FAR2: variants seen among roughly 807,000 people sequenced by gnomAD.
The protein encoded by FAR2 is epididymis secretory protein Li 81.
Under a neutral mutation model 56.0 loss-of-function variants are expected in FAR2, and 19 were observed. The observed-to-expected ratio is 0.34, with a 90% CI of 0.24 to 0.50. FAR2 has a LOEUF of 0.50. Ranked by LOEUF, FAR2 falls within the 20% of genes least tolerant of loss-of-function variation. The pLI, the probability that FAR2 is intolerant of heterozygous loss-of-function variation, is 0.98. For missense variants in FAR2, 508 were observed against 642.2 expected (o/e 0.79, Z 2.26); for synonymous variants, 219 against 218.8 (o/e 1.00, Z -0.01).
At chr12:29,306,443 A>G (rs1250768970) in intron 4 of FAR2, among the ~76,000 whole-genome samples, 6 of 152,216 alleles carry the variant, frequency 3.9e-5, no homozygotes, top group Non-Finnish European at 7.3e-5. Flanking sequence ...TGCACATCTT[A>G]GCTGCTCAAA....
intron 1 of FAR2, among the ~76,000 whole-genome samples, chr12:29,193,237 TGG>T (rs1482822789): frequency 2.6e-5 from 4 of 152,188 alleles, no homozygotes; most frequent in African/African-American, 9.7e-5. Context: ...TGAACCTGTA[TGG>T]ACACATCATT....
At chr12:29,212,198 C>T (rs954073442) in intron 1 of FAR2, among the ~76,000 whole-genome samples, 3 of 152,116 alleles carry the variant, frequency 2.0e-5, no homozygotes, top group Non-Finnish European at 4.4e-5. Flanking sequence ...CCTGAGACAA[C>T]TTAAAGCAAA....
In FAR2 at chr12:29,152,529, A is replaced by C. The variant is rs567890472; in HGVS notation, c.-39+3122A>C. Among the ~76,000 whole-genome samples the C allele has an allele frequency of 1.0e-3, 154 of 152,324 alleles. 1 individual carries two copies. Among genetic ancestry groups the C allele is most frequent in the African/African-American group, 3.6e-3 (151 of 41,578 alleles). ...TACACTCAGAACCACTGAGGAATAA[A>C]ATAGTGTGAAAGGGAATTGATCAAA... On this transcript the variant is annotated intron_variant, in intron 1 of 11. Coordinates refer to ENST00000536681, the MANE Select transcript of FAR2 (RefSeq NM_001271783.2).
rs1244779789 is a variant in FAR2, at chr12:29,316,782, A to G, written c.956-59A>G. ...TTTTGACCCATTACAAATGCTTTCC[A>G]CTATGATGGACTTATATTCTCCTTT... is the stretch of plus-strand genomic sequence containing the variant. On this transcript the variant is annotated intron_variant, in intron 8 of 11. Transcript: ENST00000536681. The G allele has an allele frequency of 1.4e-5, 22 of 1,536,988 alleles. No individual in the cohort carries two copies. The South Asian group carries it at 2.1e-4, about 15-fold the overall frequency.
intron 1 of FAR2, among the ~76,000 whole-genome samples, chr12:29,199,952 G>T (rs1042520415): frequency 2.6e-5 from 4 of 152,152 alleles, no homozygotes; most frequent in Non-Finnish European, 5.9e-5. Context: ...GAATAGAGTA[G>T]TAGAAAACCC....
At chr12:29,210,424 C>T (rs527291170) in intron 1 of FAR2, among the ~76,000 whole-genome samples, 1 of 152,178 alleles carries the variant, frequency 6.6e-6, no homozygotes, top group Non-Finnish European at 1.5e-5. Flanking sequence ...CCACCTCACA[C>T]CAGAGGTGCA....
intron 1 of FAR2, among the ~76,000 whole-genome samples, chr12:29,210,296 A>T (rs182373240): frequency 3.7e-4 from 56 of 152,222 alleles, no homozygotes; most frequent in African/African-American, 1.2e-3. Flanking sequence ...TAGACAGTTT[A>T]TCAGTGTTTA....
intron 1 of FAR2, among the ~76,000 whole-genome samples, chr12:29,219,633 A>G (rs1272252198): frequency 6.6e-6 from 1 of 152,208 alleles, no homozygotes; most frequent in Admixed American, 6.5e-5. Flanking sequence ...GACAAGAAAA[A>G]AAAAAGAGAA....
chr12:29,156,880 T>C (rs1310667631), intron 1 of FAR2: 1 of 151,808 alleles, frequency 6.6e-6, no homozygotes, highest in Non-Finnish European at 1.5e-5. Flanking sequence ...AATAAGACCT[T>C]CGAGACCTGG....
chr12:29,187,747 A>G (rs1222487905), intron 1 of FAR2, among the ~76,000 whole-genome samples: 2 of 152,212 alleles, frequency 1.3e-5, no homozygotes, highest in Non-Finnish European at 2.9e-5. Context: ...GCTTTTGTCT[A>G]TACTTTCTGG....
At chr12:29,230,603 C>T (rs528597903) in intron 1 of FAR2, among the ~76,000 whole-genome samples, 11 of 152,046 alleles carry the variant, frequency 7.2e-5, no homozygotes, top group African/African-American at 2.7e-4. Context: ...GCAAGAAACA[C>T]TTAGAGGCAT....
In FAR2 at chr12:29,270,350, A is replaced by C. The variant is rs1214824872; in HGVS notation, c.-38-62A>C. On this transcript the variant is annotated intron_variant, in intron 1 of 11. Coordinates refer to ENST00000536681, the MANE Select transcript of FAR2 (RefSeq NM_001271783.2). The stretch of plus-strand genomic sequence containing the variant: ...TCTTGGAAGCAACAGAAACATTTTA[A>C]GTGACTTTGAATATGAGAACTTCTG... 6 of 1,275,326 alleles carry C rather than the reference A, an allele frequency of 4.7e-6. No individual in the cohort carries two copies. The Admixed American group carries it at 1.6e-4, about 34-fold the overall frequency. 79.0% of individuals were successfully genotyped at this position (1,275,326 alleles called of 1,614,324 possible).
At chr12:29,207,510 G>C (rs1947489314) in intron 1 of FAR2, among the ~76,000 whole-genome samples, 1 of 152,198 alleles carries the variant, frequency 6.6e-6, no homozygotes, top group South Asian at 2.1e-4. Context: ...GACAAAGGGA[G>C]TCGGCACTAT....
intron 2 of FAR2, among the ~76,000 whole-genome samples, chr12:29,275,321 C>T (rs1325743344): frequency 1.3e-5 from 2 of 151,924 alleles, no homozygotes; most frequent in African/African-American, 4.8e-5. Context: ...TTTCACAAGA[C>T]GATGTCATCA....
chr12:29,286,800 A>C (rs1231653650), intron 2 of FAR2, among the ~76,000 whole-genome samples: 1 of 152,194 alleles, frequency 6.6e-6, no homozygotes, highest in Non-Finnish European at 1.5e-5. Flanking sequence ...ATACGATTTT[A>C]AGTGCAAAAT....
At chr12:29,312,224 T>C (rs1949364682) in intron 8 of FAR2, among the ~76,000 whole-genome samples, 1 of 152,120 alleles carries the variant, frequency 6.6e-6, no homozygotes, top group Non-Finnish European at 1.5e-5. Context: ...AAGCAAAAGT[T>C]GGCAGTTATA....
chr12:29,159,769 GAT>G (rs376559109), intron 1 of FAR2, among the ~76,000 whole-genome samples: 39 of 152,270 alleles, frequency 2.6e-4, no homozygotes, highest in African/African-American at 9.1e-4. Context: ...TGTATCTAAA[GAT>G]AGACACAAAC....
chr12:29,230,659 G>A (rs1043063703), intron 1 of FAR2, among the ~76,000 whole-genome samples: 10 of 152,054 alleles, frequency 6.6e-5, no homozygotes, highest in African/African-American at 2.4e-4. Context: ...GAGATGGTGA[G>A]ATGTGATCAG....
chr12:29,325,527 G>C (rs1476245683), intron 10 of FAR2, among the ~76,000 whole-genome samples: 1 of 152,102 alleles, frequency 6.6e-6, no homozygotes. Flanking sequence ...AAATGTAAAA[G>C]AACAGAAATT....
Sources: allele counts gnomAD v4.1 joint callset (sites outside exome capture counted in the v4.1 genomes callset), GRCh38; gene constraint gnomAD v4.1.1; transcripts MANE v1.5; gene names NCBI Gene and HGNC (gene_info 2026-07-23, HGNC 2026-07-21).